TGM3: variants seen among roughly 807,000 people sequenced by gnomAD.
TGM3 encodes protein-glutamine gamma-glutamyltransferase E.
In TGM3, 52 loss-of-function variants were observed where a neutral mutation model predicts 73.8. That is an observed-to-expected ratio of 0.70 (90% CI 0.56 to 0.89). The LOEUF is 0.89. Among genes scored for constraint, TGM3 ranks in the 40% least tolerant of loss-of-function variants. The probability of loss-of-function intolerance (pLI) is 0.00; values close to 1 mark genes in which losing one functional copy is unlikely to be tolerated. For missense variants in TGM3, 928 were observed against 909.9 expected, an observed-to-expected ratio of 1.02 and a Z score of -0.26; for synonymous variants, 372 against 354.9, an observed-to-expected ratio of 1.05 and a Z score of -0.54.
In TGM3 at chr20:2,340,689, C is replaced by T; in HGVS notation, c.*108C>T. On this transcript the variant is annotated 3_prime_UTR_variant, in exon 13 of 13. Transcript: ENST00000381458. ...GTCCGGCCTGGGAAACCCTCTCCAT[C>T]TCCCAAGGCTGCCAGACATGGACCT... is the stretch of plus-strand genomic sequence containing the variant. 1 of 1,452,590 alleles carries T rather than the reference C, an allele frequency of 6.9e-7. No homozygotes were observed. 90.0% of individuals were successfully genotyped at this position (1,452,590 alleles called of 1,614,324 possible).
intron 1 of TGM3, among the ~76,000 whole-genome samples, chr20:2,300,757 T>C (rs1205012945): frequency 6.6e-6 from 1 of 152,164 alleles, no homozygotes; most frequent in African/African-American, 2.4e-5. Context: ...GTGAAATGCT[T>C]AGCTCAGTGT....
chr20:2,313,377 T>C (rs1045359295), intron 5 of TGM3, among the ~76,000 whole-genome samples: 8 of 152,324 alleles, frequency 5.3e-5, no homozygotes, highest in Middle Eastern at 3.4e-3. Context: ...TGCTCCATCA[T>C]TGGGCCTCCT....
chr20:2,314,643 T>C (rs896516106), intron 5 of TGM3, among the ~76,000 whole-genome samples: 5 of 149,856 alleles, frequency 3.3e-5, no homozygotes, highest in African/African-American at 1.2e-4. Flanking sequence ...ATTGCATGAG[T>C]CCGTTAGTTG....
At chr20:2,331,453 C>T (rs1277074430) in intron 9 of TGM3, among the ~76,000 whole-genome samples, 2 of 152,124 alleles carry the variant, frequency 1.3e-5, no homozygotes, top group East Asian at 3.9e-4. Flanking sequence ...GGAACCACAC[C>T]GACCATGGGA....
intron 7 of TGM3, among the ~76,000 whole-genome samples, chr20:2,324,838 A>G (rs1466788569): frequency 6.6e-6 from 1 of 152,052 alleles, no homozygotes; most frequent in African/African-American, 2.4e-5. Context: ...CCTCTCTAAA[A>G]TCATAGTGCT....
rs1274565043 is a variant in TGM3, at chr20:2,311,833, A to G, written c.540+704A>G. 2.6e-5 allele frequency among the ~76,000 whole-genome samples: 4 copies of G among 151,752 alleles called. No individual in the cohort carries two copies. The East Asian group carries it at 7.8e-4, about 29-fold the overall frequency. ...AGTGGAAGAGAGGCTATTTTTTTTT[A>G]TGGCATGGTTAGGGAGGGCCTCACT... On this transcript the variant is annotated intron_variant, in intron 4 of 12. Transcript: ENST00000381458.
chr20:2,309,574 C>G (rs1476231596), intron 1 of TGM3, 83 bp from the exon 2 acceptor site: 12 of 1,440,456 alleles, frequency 8.3e-6, no homozygotes, highest in Non-Finnish European at 1.2e-5. Flanking sequence ...CACCCCAAAG[C>G]TGCTCTTTGG....
chr20:2,326,611 G>T, intron 8 of TGM3, among the ~76,000 whole-genome samples: 1 of 152,214 alleles, frequency 6.6e-6, no homozygotes, highest in East Asian at 1.9e-4. Context: ...CACTTTGGGA[G>T]GCCAAGGAGG....
intron 1 of TGM3, among the ~76,000 whole-genome samples, chr20:2,306,445 T>A (rs6048037): frequency 2.0e-5 from 3 of 151,138 alleles, no homozygotes; most frequent in African/African-American, 7.3e-5. Context: ...ATTTGAGAGG[T>A]CTTCTTTTTT....
rs1042616 is a variant in TGM3 at position 2,332,081 on chromosome 20, A to G, written c.1413A>G (p.Ser471=). ...KPNTPFAATS[S]MGLETEEQEP... ...ACACGCCATTTGCCGCGACGTCTTCAATGGGTTTGGAAACAGAGGAACAGG... is the reference window on the plus strand; with the variant it reads ...ACACGCCATTTGCCGCGACGTCTTCGATGGGTTTGGAAACAGAGGAACAGG... The change falls in exon 10 of 13, where the codon TCA becomes TCG. Residue 471 remains serine, a synonymous_variant. Coordinates refer to ENST00000381458, the MANE Select transcript of TGM3 (RefSeq NM_003245.4). This position sits in a 1 kb window ranked among gnomAD's most constrained non-coding sequence, Gnocchi z 4.4. 206 of 1,614,222 alleles carry G rather than the reference A, an allele frequency of 1.3e-4. 1 individual carries two copies. In the African/African-American group the frequency reaches 1.8e-3, roughly 14 times the overall value.
intron 11 of TGM3, among the ~76,000 whole-genome samples, chr20:2,336,704 G>A (rs540990197): frequency 6.6e-6 from 1 of 151,908 alleles, no homozygotes; most frequent in East Asian, 1.9e-4. Flanking sequence ...TAGAGAGTCA[G>A]TGACTGGGCA....
chr20:2,329,527 G>A (rs2084307945), intron 9 of TGM3, among the ~76,000 whole-genome samples: 1 of 152,160 alleles, frequency 6.6e-6, no homozygotes, highest in African/African-American at 2.4e-5. Flanking sequence ...CATACTGAGT[G>A]CCTGCTTCAT....
intron 7 of TGM3, among the ~76,000 whole-genome samples, chr20:2,323,569 G>T (rs796390657): frequency 3.9e-5 from 6 of 152,352 alleles, no homozygotes; most frequent in African/African-American, 1.4e-4. Context: ...GAAATTCCCT[G>T]ATGTGGACTT....
chr20:2,334,366 A>G lies in TGM3; in HGVS notation c.1643-750A>G, dbSNP rs2084336694. On this transcript the variant is annotated intron_variant, in intron 10 of 12. Transcript: ENST00000381458. This position sits in a 1 kb window ranked among gnomAD's most constrained non-coding sequence, Gnocchi z 4.0. ...AGATTTTTGAAGTCACATGTGACAC[A>G]GAAGAAGAGTGATTTAGAAAACAAA... is the stretch of plus-strand genomic sequence containing the variant. 6.6e-6 allele frequency among the ~76,000 whole-genome samples: 1 copy of G among 152,236 alleles called. No homozygotes were observed. Among genetic ancestry groups the G allele is most frequent in the African/African-American group, 2.4e-5 (1 of 41,470 alleles).
chr20:2,310,480 G>T (rs2084197965), intron 3 of TGM3, 63 bp downstream of exon 3: 2 of 1,586,096 alleles, frequency 1.3e-6, no homozygotes, highest in African/African-American at 2.7e-5. Flanking sequence ...AAGGGGATGG[G>T]GGAAATGATC....
intron 7 of TGM3, among the ~76,000 whole-genome samples, chr20:2,319,524 C>T (rs1472635736): frequency 6.6e-6 from 1 of 152,134 alleles, no homozygotes; most frequent in Non-Finnish European, 1.5e-5. Context: ...AGAATTAGAA[C>T]CCAGGTCTCC....
At chr20:2,310,978 T>C (rs747672841) in intron 3 of TGM3, 33 bp from the exon 4 acceptor site, 2 of 1,581,810 alleles carry the variant, frequency 1.3e-6, no homozygotes, top group Non-Finnish European at 1.7e-6. Flanking sequence ...CCGAGGATTC[T>C]AGTCGCTGGT....
In TGM3 at chr20:2,339,896, A is replaced by G; in HGVS notation, c.1843A>G (p.Met615Val). ...ARVRKPVNVQ[M>V]LFSNPLDEPV... ...TGTGCGGAAGCCTGTGAACGTGCAG[A>G]TGCTCTTCTCCAATCCACTGGATGA... The change falls in exon 12 of 13, where the codon ATG becomes GTG. Residue 615 changes from methionine (M) to valine (V), a missense_variant. Transcript: ENST00000381458. 2 of 1,614,084 alleles carry G rather than the reference A, an allele frequency of 1.2e-6. No homozygotes were observed. Among genetic ancestry groups the G allele is most frequent in the African/African-American group, 1.3e-5 (1 of 75,018 alleles).
At chr20:2,313,585 C>T (rs1489463091) in intron 5 of TGM3, among the ~76,000 whole-genome samples, 1 of 152,156 alleles carries the variant, frequency 6.6e-6, no homozygotes, top group Admixed American at 6.5e-5. Context: ...AGAACAAGGC[C>T]TCCATGGAAA....
Sources: gnomAD v4.1 joint callset for allele counts (sites outside exome capture counted in the v4.1 genomes callset) on GRCh38, gnomAD v4.1.1 for gene constraint, Gnocchi (gnomAD v3.1) non-coding constraint, MANE v1.5 for transcripts, NCBI Gene and HGNC (gene_info 2026-07-23, HGNC 2026-07-21) for gene names.